The following LRRIQ1 variants were observed in gnomAD, a reference collection of about 807,000 sequenced individuals.
The protein encoded by LRRIQ1 is leucine rich repeats and IQ motif containing 1, also known as leucine-rich repeat- and IQ domain-containing protein 1.
Under a neutral mutation model 211.9 loss-of-function variants are expected in LRRIQ1, and 210 were observed. The observed-to-expected ratio is 0.99, with a 90% CI of 0.89 to 1.11. LRRIQ1 has a LOEUF of 1.11. Among genes scored for constraint, LRRIQ1 ranks in the 50% most tolerant of loss-of-function variants. The probability of loss-of-function intolerance (pLI) is 0.00; values close to 1 mark genes in which losing one functional copy is unlikely to be tolerated. For missense variants in LRRIQ1, 2,136 were observed against 1,939.5 expected (o/e 1.10, Z -1.90); for synonymous variants, 699 against 650.1 (o/e 1.08, Z -1.14).
At chr12:85,193,092 ATATATT>A (rs1432141897) in intron 24 of LRRIQ1, among the ~76,000 whole-genome samples, 2 of 120,122 alleles carry the variant, frequency 1.7e-5, no homozygotes, top group Admixed American at 1.2e-4. Context: ...ATATAATTAT[ATATATT>A]TATATATAAT....
intron 23 of LRRIQ1, among the ~76,000 whole-genome samples, chr12:85,154,786 AT>A (rs1459622186): frequency 6.6e-6 from 1 of 151,208 alleles, no homozygotes; most frequent in African/African-American, 2.4e-5. Context: ...ACTCATATAA[AT>A]ATAAGAACAT....
At chr12:85,092,388 T>G (rs1183883369) in intron 11 of LRRIQ1, among the ~76,000 whole-genome samples, 2 of 152,156 alleles carry the variant, frequency 1.3e-5, no homozygotes, top group Non-Finnish European at 2.9e-5. Context: ...TTTCCTGCAC[T>G]GTGCACTTGC....
chr12:85,100,721 T>A (rs1178879319), intron 13 of LRRIQ1, among the ~76,000 whole-genome samples: 1 of 151,692 alleles, frequency 6.6e-6, no homozygotes, highest in African/African-American at 2.4e-5. Flanking sequence ...CTGCCATTAT[T>A]GAGAGGATGA....
intron 26 of LRRIQ1, among the ~76,000 whole-genome samples, chr12:85,239,374 C>CACACACACACACACAT (rs1214037423): frequency 6.6e-6 from 1 of 151,604 alleles, no homozygotes; most frequent in Non-Finnish European, 1.5e-5. Flanking sequence ...CACACACACA[C>CACACACACACACACAT]ACACACACAC....
chr12:85,107,170 A>G (rs1487425387), intron 15 of LRRIQ1, among the ~76,000 whole-genome samples: 1 of 152,126 alleles, frequency 6.6e-6, no homozygotes, highest in East Asian at 1.9e-4. Context: ...TTACACTTCT[A>G]ATAATATACT....
chr12:85,213,414 C>T (rs1893933022), intron 24 of LRRIQ1, among the ~76,000 whole-genome samples: 1 of 151,902 alleles, frequency 6.6e-6, no homozygotes, highest in Admixed American at 6.6e-5. Context: ...ATTTCTATCA[C>T]GTCTATATAG....
chr12:85,119,656 A>T (rs1887831285), intron 15 of LRRIQ1, among the ~76,000 whole-genome samples: 1 of 152,226 alleles, frequency 6.6e-6, no homozygotes, highest in Admixed American at 6.5e-5. Context: ...CTTGCTCTAT[A>T]TCTTCACCAG....
At chr12:85,219,095 A>G (rs928321443) in intron 24 of LRRIQ1, among the ~76,000 whole-genome samples, 3 of 152,114 alleles carry the variant, frequency 2.0e-5, no homozygotes, top group Middle Eastern at 3.2e-3. Context: ...ACACATGGAG[A>G]CACATTACAT....
intron 13 of LRRIQ1, among the ~76,000 whole-genome samples, chr12:85,100,127 G>A (rs374040108): frequency 2.6e-3 from 392 of 151,756 alleles, no homozygotes; most frequent in African/African-American, 8.9e-3. Context: ...AGTAAGTCAC[G>A]GAGGAATTGA....
chr12:85,177,150 C>T (rs1233043657), intron 24 of LRRIQ1, among the ~76,000 whole-genome samples: 2 of 152,126 alleles, frequency 1.3e-5, no homozygotes, highest in African/African-American at 4.8e-5. Context: ...AGAATGAGCT[C>T]ACCTTTAGAA....
At chr12:85,059,226 C>T (rs1452248619) in intron 8 of LRRIQ1, among the ~76,000 whole-genome samples, 1 of 151,972 alleles carries the variant, frequency 6.6e-6, no homozygotes, top group Admixed American at 6.6e-5. Context: ...TTATTGTCTC[C>T]CAGTAATGCA....
At position 85,057,164 on chromosome 12, in the gene LRRIQ1, C is replaced by CCT; in HGVS notation, c.2372_2373dup (p.Trp792LeufsTer40). The CCT allele has an allele frequency of 1.3e-6, 2 of 1,525,608 alleles. No individual in the cohort carries two copies. The highest frequency in any genetic ancestry group is 1.8e-6 in the Non-Finnish European group (2 of 1,140,234). 94.5% of individuals were successfully genotyped at this position (1,525,608 alleles called of 1,614,324 possible). A position where few individuals can be genotyped will look rare whatever the true frequency, so the allele number is the denominator to read the frequency against. On this transcript the variant is annotated frameshift_variant, in exon 8 of 27. Transcript: ENST00000393217. LOFTEE classifies it high-confidence loss of function. ...TAAACTGGAAATTCTTCGATGTGGC[C>CCT]CTTGGGATACTTTACAGCAGGTATT...
At chr12:85,205,599 A>G (rs1423508695) in intron 24 of LRRIQ1, among the ~76,000 whole-genome samples, 2 of 151,980 alleles carry the variant, frequency 1.3e-5, no homozygotes, top group East Asian at 1.9e-4. Context: ...CTTATGTAGT[A>G]TTTTGCAAGG....
At chr12:85,044,692 G>A (rs768552038) in intron 3 of LRRIQ1, 26 bp from the exon 4 acceptor site, 1 of 1,193,598 alleles carries the variant, frequency 8.4e-7, no homozygotes, top group Non-Finnish European at 1.2e-6. Flanking sequence ...AATATTGGAA[G>A]TTATATACAT....
At chr12:85,133,532 G>A (rs1035238417) in intron 18 of LRRIQ1, among the ~76,000 whole-genome samples, 4 of 152,082 alleles carry the variant, frequency 2.6e-5, no homozygotes, top group African/African-American at 9.7e-5. Flanking sequence ...CTTGGAGAAA[G>A]CTATGAAGGA....
downstream of LRRIQ1, among the ~76,000 whole-genome samples, chr12:85,265,067 G>A (rs772586376): frequency 2.0e-4 from 30 of 151,932 alleles, no homozygotes; most frequent in Non-Finnish European, 4.0e-4. Flanking sequence ...CCCGTCCCAA[G>A]GTCCAATCCA....
chr12:85,050,956 T>C (rs1880236916), intron 6 of LRRIQ1, among the ~76,000 whole-genome samples: 1 of 152,210 alleles, frequency 6.6e-6, no homozygotes, highest in South Asian at 2.1e-4. Context: ...CATTCTCACA[T>C]GGTCATTTCC....
chr12:85,233,580 G>A (rs1262966045), intron 26 of LRRIQ1, among the ~76,000 whole-genome samples: 1 of 152,128 alleles, frequency 6.6e-6, no homozygotes, highest in Non-Finnish European at 1.5e-5. Flanking sequence ...AATGAAATGA[G>A]TATTATGATT....
chr12:85,075,873 T>C (rs1402290426), intron 11 of LRRIQ1, among the ~76,000 whole-genome samples: 1 of 151,820 alleles, frequency 6.6e-6, no homozygotes, highest in Non-Finnish European at 1.5e-5. Flanking sequence ...AAAAAAATTC[T>C]GACCCCACCA....
Sources: allele counts gnomAD v4.1 joint callset (sites outside exome capture counted in the v4.1 genomes callset), GRCh38; gene constraint gnomAD v4.1.1; transcripts MANE v1.5; gene names NCBI Gene and HGNC (gene_info 2026-07-23, HGNC 2026-07-21).